Variants in GALNT17 observed in about 807,000 individuals in gnomAD.
GALNT17 encodes the protein polypeptide N-acetylgalactosaminyltransferase 17, also known as UDP-GalNAc:polypeptide N-acetylgalactosaminyltransferase-like 3.
A neutral mutation model predicts 63.7 loss-of-function variants in GALNT17; 29 were observed. The ratio of observed to expected loss-of-function variants is 0.46; its 90% CI spans 0.34 to 0.62. GALNT17 has a LOEUF of 0.62. Ranked by LOEUF, GALNT17 falls within the 20% of genes least tolerant of loss-of-function variation. The probability of loss-of-function intolerance (pLI) is 0.01; values close to 1 mark genes in which losing one functional copy is unlikely to be tolerated. For missense variants in GALNT17, 603 were observed against 799.6 expected, an observed-to-expected ratio of 0.75 and a Z score of 2.97; for synonymous variants, 305 against 318.3, an observed-to-expected ratio of 0.96 and a Z score of 0.45.
At chr7:71,524,241 A>C (rs1359570501) in intron 5 of GALNT17, among the ~76,000 whole-genome samples, 1 of 147,226 alleles carries the variant, frequency 6.8e-6, no homozygotes, top group Admixed American at 6.8e-5. Context: ...TTATATATAT[A>C]ATAATAATAT....
At chr7:71,181,268 AG>A (rs759847335) in intron 1 of GALNT17, among the ~76,000 whole-genome samples, 3,864 of 142,288 alleles carry the variant, frequency 0.027, 90 homozygotes, top group Middle Eastern at 0.078. Flanking sequence ...AAAAAAAAAA[AG>A]TAATGGCTTA....
At chr7:71,568,173 C>CT (rs1172551212) in intron 5 of GALNT17, among the ~76,000 whole-genome samples, 4 of 152,150 alleles carry the variant, frequency 2.6e-5, no homozygotes, top group Non-Finnish European at 4.4e-5. Context: ...TCCATGAAGC[C>CT]TTTTCTAAAG....
chr7:71,617,009 C>T (rs1437804375), intron 6 of GALNT17, among the ~76,000 whole-genome samples: 1 of 97,424 alleles, frequency 1.0e-5, no homozygotes, highest in Non-Finnish European at 2.2e-5. Context: ...ATATTAATTA[C>T]ACATTAAATA....
intron 5 of GALNT17, among the ~76,000 whole-genome samples, chr7:71,545,356 CTTGT>C (rs1392128265): frequency 3.3e-5 from 5 of 151,728 alleles, no homozygotes; most frequent in African/African-American, 4.8e-5. Context: ...TTTTGGTTTG[CTTGT>C]TTGTTTGTTT....
intron 8 of GALNT17, among the ~76,000 whole-genome samples, chr7:71,671,714 G>T (rs1448746186): frequency 6.6e-6 from 1 of 152,196 alleles, no homozygotes; most frequent in Non-Finnish European, 1.5e-5. Flanking sequence ...GAGCTGTGAT[G>T]TGTGAAGTTC....
At chr7:71,233,547 C>T (rs1173288208) in intron 1 of GALNT17, among the ~76,000 whole-genome samples, 1 of 152,144 alleles carries the variant, frequency 6.6e-6, no homozygotes. Context: ...GCAAGAGTTC[C>T]CTGTTGGCCA....
chr7:71,585,100 G>A (rs1562700807), intron 6 of GALNT17, among the ~76,000 whole-genome samples: 1 of 152,014 alleles, frequency 6.6e-6, no homozygotes. Flanking sequence ...TTTCTAAGCT[G>A]TAATTAGATC....
At chr7:71,528,435 G>T (rs950805424) in intron 5 of GALNT17, among the ~76,000 whole-genome samples, 1 of 152,172 alleles carries the variant, frequency 6.6e-6, no homozygotes, top group African/African-American at 2.4e-5. Context: ...CCTCCCCAGC[G>T]TAAGGTCATG....
At chr7:71,308,642 T>C (rs1791353663) in intron 1 of GALNT17, among the ~76,000 whole-genome samples, 1 of 151,614 alleles carries the variant, frequency 6.6e-6, no homozygotes, top group Admixed American at 6.6e-5. Flanking sequence ...ACGAGATAAA[T>C]AAACATGGAT....
chr7:71,446,981 T>C (rs1481803298), intron 5 of GALNT17, among the ~76,000 whole-genome samples: 2 of 152,210 alleles, frequency 1.3e-5, no homozygotes, highest in Non-Finnish European at 2.9e-5. Flanking sequence ...TAACTGTTAT[T>C]CACTCACCCG....
intron 5 of GALNT17, among the ~76,000 whole-genome samples, chr7:71,447,226 C>A (rs1421143591): frequency 6.6e-6 from 1 of 152,192 alleles, no homozygotes; most frequent in Non-Finnish European, 1.5e-5. Flanking sequence ...CCAGGCTATC[C>A]ATATTTTTGT....
intron 5 of GALNT17, among the ~76,000 whole-genome samples, chr7:71,492,045 G>A (rs1788018674): frequency 6.6e-6 from 1 of 151,942 alleles, no homozygotes; most frequent in South Asian, 2.1e-4. Flanking sequence ...ACTTTGGGAG[G>A]CCAAGGTGGG....
chr7:71,410,651 C>T (rs1434828449), intron 3 of GALNT17, among the ~76,000 whole-genome samples: 1 of 152,226 alleles, frequency 6.6e-6, no homozygotes, highest in East Asian at 1.9e-4. Flanking sequence ...ATAGTTTATT[C>T]TGTCATATCA....
intron 5 of GALNT17, among the ~76,000 whole-genome samples, chr7:71,564,450 C>T (rs1789307437): frequency 6.6e-6 from 1 of 151,810 alleles, no homozygotes; most frequent in South Asian, 2.1e-4. Context: ...CCACGCCCGG[C>T]TCATTTTTGT....
intron 5 of GALNT17, among the ~76,000 whole-genome samples, chr7:71,520,519 T>C (rs760048181): frequency 7.3e-5 from 11 of 150,404 alleles, no homozygotes; most frequent in Non-Finnish European, 1.5e-4. Flanking sequence ...TGAGACTCCG[T>C]CTCAAAAAAA....
intron 9 of GALNT17, among the ~76,000 whole-genome samples, chr7:71,684,851 G>T (rs555723214): frequency 3.6e-4 from 55 of 152,132 alleles, no homozygotes; most frequent in African/African-American, 1.2e-3. Context: ...TTTTTGTAAA[G>T]ATGGGGTCTC....
At chr7:71,133,067 G>A in intron 1 of GALNT17, 27 bp downstream of exon 1, 1 of 1,508,890 alleles carries the variant, frequency 6.6e-7, no homozygotes, top group Non-Finnish European at 8.8e-7. Context: ...GCGCCTCCGG[G>A]GCTCGACGCG....
intron 5 of GALNT17, among the ~76,000 whole-genome samples, chr7:71,459,227 A>G (rs1787409896): frequency 6.6e-6 from 1 of 152,172 alleles, no homozygotes; most frequent in African/African-American, 2.4e-5. Flanking sequence ...ATGGGCAGAT[A>G]ACATAACATT....
chr7:71,413,994 C>T (rs1793478555), intron 3 of GALNT17, among the ~76,000 whole-genome samples: 1 of 152,084 alleles, frequency 6.6e-6, no homozygotes, highest in South Asian at 2.1e-4. Flanking sequence ...GTAATCCCAG[C>T]ACTTTGGGAG....
Sources: gnomAD v4.1 joint callset for allele counts (sites outside exome capture counted in the v4.1 genomes callset) on GRCh38, gnomAD v4.1.1 for gene constraint, MANE v1.5 for transcripts, NCBI Gene and HGNC (gene_info 2026-07-23, HGNC 2026-07-21) for gene names.